Variants in QPCT observed in about 807,000 individuals in gnomAD.
QPCT encodes glutaminyl-peptide cyclotransferase, also known as EC.
A neutral mutation model predicts 43.4 loss-of-function variants in QPCT; 44 were observed. That is an observed-to-expected ratio of 1.01 (90% CI 0.80 to 1.30). The LOEUF (loss-of-function observed/expected upper bound fraction) is 1.30, where lower values mean the gene tolerates loss of function less well. Among genes scored for constraint, QPCT ranks in the 50% most tolerant of loss-of-function variants. The probability of loss-of-function intolerance (pLI) is 0.00; values close to 1 mark genes in which losing one functional copy is unlikely to be tolerated. For missense variants in QPCT, 526 were observed against 436.5 expected (o/e 1.21, Z -1.83); for synonymous variants, 168 against 168.4 (o/e 1.00, Z 0.02).
intron 1 of QPCT, among the ~76,000 whole-genome samples, chr2:37,349,484 T>C (rs1352670602): frequency 6.6e-6 from 1 of 152,232 alleles, no homozygotes; most frequent in East Asian, 1.9e-4. Context: ...TTCAAGCCTC[T>C]AGAAACCAGC....
chr2:37,344,879 C>G (rs372722760), intron 1 of QPCT, 28 bp downstream of exon 1: 46 of 1,555,304 alleles, frequency 3.0e-5, no homozygotes, highest in Non-Finnish European at 4.0e-5. Context: ...CGTAGTTGTA[C>G]TTGAGCGGCT....
intron 2 of QPCT, among the ~76,000 whole-genome samples, chr2:37,357,138 TG>T (rs1672768630): frequency 6.6e-6 from 1 of 152,212 alleles, no homozygotes; most frequent in Non-Finnish European, 1.5e-5. Context: ...GAAATAAGTT[TG>T]TGTGTGACTT....
chr2:37,366,163 AG>A (rs75748260), intron 3 of QPCT, among the ~76,000 whole-genome samples: 14,684 of 152,200 alleles, frequency 0.096, 848 homozygotes, highest in East Asian at 0.24. Context: ...TCAGTAGATT[AG>A]GGGTTCCAGT....
chr2:37,346,616 GCATGAATCC>G (rs2124929395), intron 1 of QPCT, among the ~76,000 whole-genome samples: 1 of 152,290 alleles, frequency 6.6e-6, no homozygotes, highest in South Asian at 2.1e-4. Flanking sequence ...GTCTTTTAAA[GCATGAATCC>G]CTTTTATATT....
intron 1 of QPCT, among the ~76,000 whole-genome samples, chr2:37,347,421 T>C (rs1395858678): frequency 6.6e-6 from 1 of 150,944 alleles, no homozygotes; most frequent in Non-Finnish European, 1.5e-5. Context: ...GCTTTTCTAA[T>C]GGTAGATGAG....
At chr2:37,351,358 C>A (rs1672620708) in intron 1 of QPCT, among the ~76,000 whole-genome samples, 1 of 152,046 alleles carries the variant, frequency 6.6e-6, no homozygotes, top group Admixed American at 6.5e-5. Context: ...TTATTAGGTG[C>A]CTGATAAACA....
At position 37,367,069 on chromosome 2, in the gene QPCT, T is replaced by C. The variant is rs1401013343; in HGVS notation, c.547-163T>C. On this transcript the variant is annotated intron_variant, in intron 3 of 6. Coordinates refer to ENST00000338415, the MANE Select transcript of QPCT (RefSeq NM_012413.4). ...AGACTGTGGGAGGTGTGATGACTTTTGAAGAGGAAGTGGTGTGGAATAAAT... is the reference window on the plus strand; with the variant it reads ...AGACTGTGGGAGGTGTGATGACTTTCGAAGAGGAAGTGGTGTGGAATAAAT... 3 of 684,918 alleles carry C rather than the reference T, an allele frequency of 4.4e-6. No individual in the cohort carries two copies. The East Asian group carries it at 8.3e-5, about 19-fold the overall frequency. The allele number at this position is 684,918 out of a possible 1,614,324, so 42.4% of individuals were successfully genotyped here.
Position 37,345,908 on chromosome 2 carries a change from G to T in QPCT, c.120+1057G>T, listed in dbSNP as rs111491586. Among the ~76,000 whole-genome samples the T allele has an allele frequency of 9.9e-3, 1,504 of 151,750 alleles. 25 individuals are homozygous for T. Among genetic ancestry groups the T allele is most frequent in the African/African-American group, 0.033 (1,360 of 41,400 alleles). On this transcript the variant is annotated intron_variant, in intron 1 of 6. Coordinates refer to ENST00000338415, the MANE Select transcript of QPCT (RefSeq NM_012413.4). ...GTTCACAATTACTTCCTTTTCTTGT[G>T]TAACAGTTTTGAAATCATGAAATTG...
At chr2:37,357,683 C>G (rs896048400) in intron 2 of QPCT, among the ~76,000 whole-genome samples, 6 of 152,210 alleles carry the variant, frequency 3.9e-5, no homozygotes, top group Non-Finnish European at 5.9e-5. Flanking sequence ...CAAGGAGTCT[C>G]TAGCTGGGGA....
At position 37,373,285 on chromosome 2, in the gene QPCT, G is replaced by A. The variant is rs1673120336; in HGVS notation, c.*458G>A. ...GATTTCTTTGAGAAATCTTTGTAGA[G>A]TTAATTTTATGGAAATTAAAATCAG... On this transcript the variant is annotated 3_prime_UTR_variant, in exon 7 of 7. Transcript: ENST00000338415. The A allele has an allele frequency of 6.6e-6, 1 of 152,194 alleles. No homozygotes were observed. Among genetic ancestry groups the A allele is most frequent in the East Asian group, 1.9e-4 (1 of 5,196 alleles). 9.4% of individuals were successfully genotyped at this position (152,194 alleles called of 1,614,324 possible).
At chr2:37,362,645 C>A (rs927357726) in intron 3 of QPCT, among the ~76,000 whole-genome samples, 4 of 152,124 alleles carry the variant, frequency 2.6e-5, no homozygotes, top group African/African-American at 9.7e-5. Context: ...GAATAGGAAC[C>A]ACAATATGAA....
At chr2:37,344,948 G>C in intron 1 of QPCT, 97 bp downstream of exon 1, 1 of 1,438,138 alleles carries the variant, frequency 7.0e-7, no homozygotes, top group Non-Finnish European at 9.1e-7. Flanking sequence ...GCGGGAGGCG[G>C]GGCAGGGCCA....
At chr2:37,345,387 GGACCTTTACTGGA>G (rs1283347498) in intron 1 of QPCT, among the ~76,000 whole-genome samples, 1 of 152,212 alleles carries the variant, frequency 6.6e-6, no homozygotes, top group African/African-American at 2.4e-5. Context: ...TCGGCAGGAA[GGACCTTTACTGGA>G]GACCTGCTTA....
At chr2:37,372,324 T>C in intron 5 of QPCT, 32 bp from the exon 6 acceptor site, 2 of 1,402,234 alleles carry the variant, frequency 1.4e-6, no homozygotes, top group East Asian at 4.6e-5. Flanking sequence ...ATAAAAATAG[T>C]TGTTCATTTA....
intron 1 of QPCT, among the ~76,000 whole-genome samples, chr2:37,350,306 A>G (rs888472741): frequency 5.3e-5 from 8 of 152,212 alleles, no homozygotes; most frequent in African/African-American, 1.7e-4. Context: ...ATAATTAACC[A>G]TGGAAGTCTT....
At chr2:37,347,215 TAACATATATATATAAC>T (rs1572726631) in intron 1 of QPCT, among the ~76,000 whole-genome samples, 137 of 89,744 alleles carry the variant, frequency 1.5e-3, no homozygotes, top group South Asian at 2.7e-3. Flanking sequence ...AACATATATA[TAACATATATATATAAC>T]ATATATATAT....
At chr2:37,359,169 G>A (rs1672811327) in intron 2 of QPCT, among the ~76,000 whole-genome samples, 1 of 151,846 alleles carries the variant, frequency 6.6e-6, no homozygotes, top group African/African-American at 2.4e-5. Flanking sequence ...AGAAAAGCAA[G>A]GGGAGAGTAA....
At chr2:37,345,835 C>CAAA (rs70949752) in intron 1 of QPCT, among the ~76,000 whole-genome samples, 41 of 82,394 alleles carry the variant, frequency 5.0e-4, no homozygotes, top group South Asian at 1.4e-3. Flanking sequence ...GACTCCGTCT[C>CAAA]AAAAAAAAAA....
At chr2:37,348,290 TGAG>T (rs1186313390) in intron 1 of QPCT, among the ~76,000 whole-genome samples, 1 of 152,184 alleles carries the variant, frequency 6.6e-6, no homozygotes, top group Non-Finnish European at 1.5e-5. Flanking sequence ...GCGAGGGAGC[TGAG>T]ATTTCACCCT....
Sources: allele counts gnomAD v4.1 joint callset (sites outside exome capture counted in the v4.1 genomes callset), GRCh38; gene constraint gnomAD v4.1.1; transcripts MANE v1.5; gene names NCBI Gene and HGNC (gene_info 2026-07-23, HGNC 2026-07-21).